DENND1A: variants seen among roughly 807,000 people sequenced by gnomAD.
The protein encoded by DENND1A is DENN domain containing 1A.
DENND1A carries 51 observed loss-of-function variants against 113.7 expected under a neutral mutation model. The observed-to-expected ratio is 0.45, with a 90% CI of 0.36 to 0.57. The LOEUF (loss-of-function observed/expected upper bound fraction) is 0.57, where lower values mean the gene tolerates loss of function less well. DENND1A is among the 20% of genes least tolerant of loss of function. DENND1A has a pLI of 0.00. For missense variants in DENND1A, 1,258 were observed against 1,395.9 expected, an observed-to-expected ratio of 0.90 and a Z score of 1.57; for synonymous variants, 565 against 570.8, an observed-to-expected ratio of 0.99 and a Z score of 0.14.
At chr9:123,386,369 TTTC>T (rs2042560251) in intron 22 of DENND1A, among the ~76,000 whole-genome samples, 1 of 118,030 alleles carries the variant, frequency 8.5e-6, no homozygotes, top group Non-Finnish European at 1.7e-5. Context: ...AGGCCACTAC[TTTC>T]TTTTCTTTCT....
chr9:123,775,029 A>G (rs1036408836), intron 3 of DENND1A, among the ~76,000 whole-genome samples: 2 of 152,208 alleles, frequency 1.3e-5, no homozygotes, highest in African/African-American at 4.8e-5. Flanking sequence ...ATCCTTTTGC[A>G]TCCTCCTCTT....
intron 3 of DENND1A, among the ~76,000 whole-genome samples, chr9:123,775,347 A>G (rs1238360902): frequency 1.3e-5 from 2 of 152,148 alleles, no homozygotes; most frequent in African/African-American, 4.8e-5. Flanking sequence ...TCATTTCCTT[A>G]AGCATTTAAA....
chr9:123,480,704 C>G (rs1457143906), intron 13 of DENND1A, among the ~76,000 whole-genome samples: 2 of 152,138 alleles, frequency 1.3e-5, no homozygotes, highest in African/African-American at 2.4e-5. Flanking sequence ...CCAGCCTCCC[C>G]CTTGAGGATG....
Position 123,382,551 on chromosome 9 carries a change from CTTG to C in DENND1A, c.2091_2093del (p.Asn697del). On this transcript the variant is annotated inframe_deletion, in exon 24 of 24. Transcript: ENST00000394215. Reference sequence around the variant, plus strand: ...TGTCGTCCTGGCCCAGGCTCCAGAGCTTGTTGTACGGGTGGGTAAGCTTCAAGG... The same window carrying C: ...TGTCGTCCTGGCCCAGGCTCCAGAGCTTGTACGGGTGGGTAAGCTTCAAGG... 1 of 1,614,120 alleles carries C rather than the reference CTTG, an allele frequency of 6.2e-7. No individual in the cohort carries two copies. Among genetic ancestry groups the C allele is most frequent in the East Asian group, 2.2e-5 (1 of 44,872 alleles).
intron 12 of DENND1A, among the ~76,000 whole-genome samples, chr9:123,564,088 T>C (rs1473953489): frequency 1.3e-5 from 2 of 152,184 alleles, no homozygotes; most frequent in Admixed American, 1.3e-4. Context: ...ACAAATCGGC[T>C]ACAAGTTAGC....
chr9:123,823,883 T>C (rs1251831291), intron 2 of DENND1A, among the ~76,000 whole-genome samples: 1 of 152,084 alleles, frequency 6.6e-6, no homozygotes, highest in Admixed American at 6.5e-5. Flanking sequence ...CACAAGAAAC[T>C]CTAAGAGGGG....
chr9:123,552,628 G>C lies in DENND1A; in HGVS notation c.993+4942C>G, dbSNP rs537194105. Reference sequence around the variant, plus strand: ...AAGCAGGGAGCACAGGTGAGCCAGAGGGCTGGTAGCACTGCAGCTGGGCTG... The same window carrying C: ...AAGCAGGGAGCACAGGTGAGCCAGACGGCTGGTAGCACTGCAGCTGGGCTG... On this transcript the variant is annotated intron_variant, in intron 13 of 23. Coordinates refer to ENST00000394215, the MANE Select transcript of DENND1A (RefSeq NM_001352964.2). Among the ~76,000 whole-genome samples the C allele has an allele frequency of 1.9e-3, 288 of 152,362 alleles. 3 individuals carry two copies. The highest frequency in any genetic ancestry group is 6.4e-3 in the African/African-American group (265 of 41,590).
intron 19 of DENND1A, among the ~76,000 whole-genome samples, chr9:123,419,470 G>C (rs566242542): frequency 3.3e-5 from 5 of 152,386 alleles, no homozygotes; most frequent in African/African-American, 9.6e-5. Context: ...ATGGGGAAGA[G>C]AGCAAATTCA....
Position 123,381,632 on chromosome 9 carries a change from G to T in DENND1A, c.3013C>A (p.Pro1005Thr). The part of the protein sequence containing the change: ...AETKQGLALR[P>T]GDPPLLPPRP... Reference sequence around the variant, plus strand: ...GGAGGCAGAAGCGGGGGGTCTCCAGGCCTCAGGGCCAGCCCCTGCTTGGTC... The same window carrying T: ...GGAGGCAGAAGCGGGGGGTCTCCAGTCCTCAGGGCCAGCCCCTGCTTGGTC... Residue 1005 changes from proline to threonine, a missense_variant, in exon 24 of 24, where the codon CCT (proline) becomes ACT (threonine). Pro to Thr is a conservative substitution (Grantham distance 38). Transcript: ENST00000394215. The surrounding 1 kb of genome is among the most constrained non-coding windows in gnomAD (Gnocchi z 4.7). 6.2e-7 allele frequency: 1 copy of T among 1,611,502 alleles called. No individual in the cohort carries two copies. The highest frequency in any genetic ancestry group is 8.5e-7 in the Non-Finnish European group (1 of 1,179,226).
At chr9:123,882,147 T>C (rs1298481977) in intron 1 of DENND1A, among the ~76,000 whole-genome samples, 2 of 151,902 alleles carry the variant, frequency 1.3e-5, no homozygotes, top group East Asian at 3.9e-4. Flanking sequence ...CAGTCACATC[T>C]CCAACCTGAC....
At chr9:123,585,368 TG>T (rs1390569611) in intron 11 of DENND1A, among the ~76,000 whole-genome samples, 2 of 152,244 alleles carry the variant, frequency 1.3e-5, no homozygotes, top group Non-Finnish European at 2.9e-5. Context: ...TATCAGCGAA[TG>T]GACAACTTTG....
chr9:123,626,501 T>A (rs1232240998), intron 10 of DENND1A, among the ~76,000 whole-genome samples: 1 of 152,058 alleles, frequency 6.6e-6, no homozygotes, highest in African/African-American at 2.4e-5. Flanking sequence ...TTTCTCACTC[T>A]CTCTCTCCCT....
At chr9:123,412,523 C>T (rs1287820426) in intron 19 of DENND1A, among the ~76,000 whole-genome samples, 1 of 152,182 alleles carries the variant, frequency 6.6e-6, no homozygotes, top group Admixed American at 6.5e-5. Context: ...CTCTGTGAGA[C>T]CTGGGGAAAA....
intron 1 of DENND1A, among the ~76,000 whole-genome samples, chr9:123,879,359 C>G (rs562399314): frequency 3.3e-5 from 5 of 152,156 alleles, no homozygotes; most frequent in African/African-American, 4.8e-5. Context: ...ATAGCAAAAC[C>G]CTGTCTCTAC....
chr9:123,566,913 C>CCACACACA (rs59984497), intron 12 of DENND1A, among the ~76,000 whole-genome samples: 9,078 of 147,266 alleles, frequency 0.062, 725 homozygotes, highest in African/African-American at 0.18. Flanking sequence ...CTTTAACACA[C>CCACACACA]CACACACACA....
At chr9:123,673,931 C>T (rs1012156246) in intron 6 of DENND1A, among the ~76,000 whole-genome samples, 32 of 152,140 alleles carry the variant, frequency 2.1e-4, no homozygotes, top group Middle Eastern at 3.4e-3. Context: ...CCCTCCCTTC[C>T]CTCCCCAACA....
In DENND1A at chr9:123,676,771, C is replaced by T. The variant is rs754955663; in HGVS notation, c.321G>A (p.Glu107=). 6.2e-7 allele frequency: 1 copy of T among 1,613,830 alleles called. No homozygotes were observed. The highest frequency in any genetic ancestry group is 8.5e-7 in the Non-Finnish European group (1 of 1,179,948). Residue 107 remains glutamate (E), a synonymous_variant, in exon 6 of 24, where the codon GAG becomes GAA. Transcript: ENST00000394215. The stretch of plus-strand genomic sequence containing the variant: ...GGATGTTAAGCAGCTTATAAAATAC[C>T]TCGAACCAGGGGAGATAGCTGGAGG... The part of the protein sequence containing the change: ...FCILSYLPWF[E]VFYKLLNILA...
rs185873107 is a variant in DENND1A at position 123,646,125 on chromosome 9, T to C, written c.618+5888A>G. Among the ~76,000 whole-genome samples the C allele has an allele frequency of 4.2e-3, 643 of 152,338 alleles. 5 individuals are homozygous for C. Among genetic ancestry groups the C allele is most frequent in the Non-Finnish European group, 7.4e-3 (502 of 68,028 alleles). On this transcript the variant is annotated intron_variant, in intron 9 of 23. Coordinates refer to ENST00000394215, the MANE Select transcript of DENND1A (RefSeq NM_001352964.2). The stretch of plus-strand genomic sequence containing the variant: ...TAAAATTTGATTTCCCATTATAGAA[T>C]TTATTAATTTATTATAAACGTCTGC...
At chr9:123,662,841 G>A (rs1283737849) in intron 8 of DENND1A, among the ~76,000 whole-genome samples, 1 of 152,126 alleles carries the variant, frequency 6.6e-6, no homozygotes, top group African/African-American at 2.4e-5. Context: ...ATGGGAGAGG[G>A]GAAATATGTG....
Sources: gnomAD v4.1 joint callset for allele counts (sites outside exome capture counted in the v4.1 genomes callset) on GRCh38, gnomAD v4.1.1 for gene constraint, Gnocchi (gnomAD v3.1) non-coding constraint, MANE v1.5 for transcripts, NCBI Gene and HGNC (gene_info 2026-07-23, HGNC 2026-07-21) for gene names.